The following UNC5A variants were observed in gnomAD, a reference collection of about 807,000 sequenced individuals.
UNC5A encodes netrin receptor UNC5A.
Under a neutral mutation model 87.4 loss-of-function variants are expected in UNC5A, and 20 were observed. That is an observed-to-expected ratio of 0.23 (90% CI 0.16 to 0.33). The LOEUF (loss-of-function observed/expected upper bound fraction) is 0.33. Ranked by LOEUF, UNC5A falls within the 10% of genes least tolerant of loss-of-function variation. UNC5A has a pLI of 1.00. For missense variants in UNC5A, 844 were observed against 1,133.4 expected (o/e 0.74, Z 3.67); for synonymous variants, 438 against 482.3 (o/e 0.91, Z 1.20).
chr5:176,810,926 C>T lies in UNC5A; in HGVS notation c.70+106C>T, dbSNP rs899985233. ...CAGCGCTGCCAGACCCGGCTGGGAGCCCCCCGAGGCCAAACTTTGCGAGGC... is the reference window on the plus strand; with the variant it reads ...CAGCGCTGCCAGACCCGGCTGGGAGTCCCCCGAGGCCAAACTTTGCGAGGC... On this transcript the variant is annotated intron_variant, in intron 1 of 14. Coordinates refer to ENST00000329542, the MANE Select transcript of UNC5A (RefSeq NM_133369.3). The surrounding 1 kb of genome is among the most constrained non-coding windows in gnomAD (Gnocchi z 7.3). 8 of 1,009,002 alleles carry T rather than the reference C, an allele frequency of 7.9e-6. No individual in the cohort carries two copies. Among genetic ancestry groups the T allele is most frequent in the African/African-American group, 1.7e-5 (1 of 58,256 alleles). 62.5% of individuals were successfully genotyped at this position (1,009,002 alleles called of 1,614,324 possible).
At chr5:176,850,791 C>A (rs1757522794) in intron 1 of UNC5A, among the ~76,000 whole-genome samples, 1 of 152,166 alleles carries the variant, frequency 6.6e-6, no homozygotes, top group Non-Finnish European at 1.5e-5. Flanking sequence ...GGCTCATCTG[C>A]TGAGAATGGG....
chr5:176,865,791 G>A lies in UNC5A; in HGVS notation c.293-2339G>A, dbSNP rs527599179. The A allele has an allele frequency of 7.8e-4, 319 of 408,464 alleles. No homozygotes were observed. Among genetic ancestry groups the A allele is most frequent in the Admixed American group, 8.1e-4 (29 of 35,670 alleles). 25.3% of individuals were successfully genotyped at this position (408,464 alleles called of 1,614,324 possible). A position where few individuals can be genotyped will look rare whatever the true frequency, so the allele number is the denominator to read the frequency against. ...TTCATGTGTGGGGCTGGAGGTGGCCGGATGGACACCCAGGAGAGCACCTAC... is the reference window on the plus strand; with the variant it reads ...TTCATGTGTGGGGCTGGAGGTGGCCAGATGGACACCCAGGAGAGCACCTAC... On this transcript the variant is annotated intron_variant, in intron 2 of 14. Coordinates refer to ENST00000329542, the MANE Select transcript of UNC5A (RefSeq NM_133369.3). This position sits in a 1 kb window ranked among gnomAD's most constrained non-coding sequence, Gnocchi z 5.3.
rs1237117192 is a variant in UNC5A, at chr5:176,831,442, C to T, written c.70+20622C>T. On this transcript the variant is annotated intron_variant, in intron 1 of 14. Coordinates refer to ENST00000329542, the MANE Select transcript of UNC5A (RefSeq NM_133369.3). ...ACAGCGGGGATACTGGCCTTCTCTG[C>T]GCAGGAATGCTCAAGGCCAGCACGC... Among the ~76,000 whole-genome samples the T allele has an allele frequency of 2.6e-5, 4 of 152,202 alleles. No homozygotes were observed. In the East Asian group the frequency reaches 5.8e-4, roughly 22 times the overall value.
chr5:176,835,510 A>G (rs1561647013), intron 1 of UNC5A, among the ~76,000 whole-genome samples: 2 of 152,186 alleles, frequency 1.3e-5, no homozygotes, highest in Non-Finnish European at 1.5e-5. Context: ...CCTCCGACTC[A>G]TCGCTCCCTG....
intron 8 of UNC5A, among the ~76,000 whole-genome samples, chr5:176,876,156 TTGA>T (rs1758257615): frequency 6.6e-6 from 1 of 151,968 alleles, no homozygotes; most frequent in Non-Finnish European, 1.5e-5. Flanking sequence ...GCATTAGGAG[TTGA>T]TGAATGAGGA....
At chr5:176,853,214 A>G (rs1757587422) in intron 1 of UNC5A, among the ~76,000 whole-genome samples, 2 of 152,192 alleles carry the variant, frequency 1.3e-5, no homozygotes, top group South Asian at 2.1e-4. Context: ...CCATTTGGCT[A>G]AAGTCCTTGG....
intron 1 of UNC5A, among the ~76,000 whole-genome samples, chr5:176,831,769 A>C (rs1757030303): frequency 2.1e-5 from 3 of 145,152 alleles, no homozygotes; most frequent in African/African-American, 5.3e-5. Flanking sequence ...CTCTCAACCC[A>C]CCCATCCCCA....
intron 2 of UNC5A, among the ~76,000 whole-genome samples, chr5:176,864,626 C>A (rs1310536237): frequency 6.6e-6 from 1 of 152,220 alleles, no homozygotes; most frequent in South Asian, 2.1e-4. Flanking sequence ...AGTCACACAC[C>A]ACCCCTCCGT....
At chr5:176,818,025 CCCGGGAGCGGGCGTCCAGCCT>C (rs1050425843) in intron 1 of UNC5A, among the ~76,000 whole-genome samples, 2 of 152,144 alleles carry the variant, frequency 1.3e-5, no homozygotes, top group African/African-American at 4.8e-5. Context: ...CGGCTGCCGC[CCCGGGAGCGGGCGTCCAGCCT>C]CCGGGCACCG....
At chr5:176,827,884 G>A (rs915648410) in intron 1 of UNC5A, among the ~76,000 whole-genome samples, 8 of 152,164 alleles carry the variant, frequency 5.3e-5, no homozygotes, top group African/African-American at 1.2e-4. Flanking sequence ...GAATCTGTGC[G>A]TGGCCACCAG....
intron 1 of UNC5A, among the ~76,000 whole-genome samples, chr5:176,854,755 G>A (rs1465046157): frequency 6.6e-6 from 1 of 152,254 alleles, no homozygotes; most frequent in East Asian, 1.9e-4. Flanking sequence ...CTCTCTGGCT[G>A]TATGTCAGGT....
At chr5:176,815,272 C>T (rs888489005) in intron 1 of UNC5A, among the ~76,000 whole-genome samples, 6 of 152,238 alleles carry the variant, frequency 3.9e-5, no homozygotes, top group East Asian at 1.9e-4. Context: ...GGCCCAACCA[C>T]GCTCAGACAG....
At chr5:176,868,695 C>G in intron 4 of UNC5A, 31 bp downstream of exon 4, 1 of 1,592,004 alleles carries the variant, frequency 6.3e-7, no homozygotes, top group East Asian at 2.3e-5. Context: ...CACGTCTGGA[C>G]CTGGGCTCCT....
intron 1 of UNC5A, among the ~76,000 whole-genome samples, chr5:176,818,150 G>A (rs1756640885): frequency 6.6e-6 from 1 of 152,224 alleles, no homozygotes; most frequent in Non-Finnish European, 1.5e-5. Flanking sequence ...AAGTGGGTGG[G>A]CGCAGGGCTT....
chr5:176,877,912 G>A lies in UNC5A; in HGVS notation c.1654G>A (p.Glu552Lys), dbSNP rs149355192. Residue 552 changes from glutamate to lysine, a missense_variant, in exon 11 of 15, where the codon GAG becomes AAG. Around this residue, in one of 3 missense-constraint regions of UNC5A, gnomAD observed 353 missense variants for 387.5 expected, o/e 0.91. Transcript: ENST00000329542. ...CCCACAGGATGTGCTGCACCTGGGC[G>A]AGGAGGCGCCCTCCCACCTCTACTA... Reference protein sequence around the residue: ...GSWEDVLHLGEEAPSHLYYCQ... With the variant: ...GSWEDVLHLGKEAPSHLYYCQ... 6.9e-6 allele frequency: 11 copies of A among 1,601,914 alleles called. No individual in the cohort carries two copies. The highest frequency in any genetic ancestry group is 1.3e-5 in the African/African-American group (1 of 74,896).
rs752216836 is a variant in UNC5A at position 176,870,505 on chromosome 5, G to T, written c.857G>T (p.Arg286Leu). ...EECQGTDLDT[R>L]NCTSDLCVHT... ...TGCCAGGGCACTGACCTGGACACCC[G>T]CAACTGTACCAGTGACCTCTGTGTA... Residue 286 changes from arginine to leucine, a missense_variant, in exon 6 of 15, where the codon CGC (arginine) becomes CTC (leucine). Transcript: ENST00000329542. The T allele has an allele frequency of 9.3e-6, 15 of 1,606,314 alleles. No homozygotes were observed. The highest frequency in any genetic ancestry group is 1.1e-5 in the Non-Finnish European group (13 of 1,175,110).
intron 1 of UNC5A, among the ~76,000 whole-genome samples, chr5:176,842,012 A>G (rs568804383): frequency 1.4e-3 from 212 of 152,308 alleles, no homozygotes; most frequent in African/African-American, 4.9e-3. Flanking sequence ...CCTGGCTAAC[A>G]TGGTGAAACC....
At chr5:176,827,112 C>T (rs1276346125) in intron 1 of UNC5A, among the ~76,000 whole-genome samples, 4 of 151,200 alleles carry the variant, frequency 2.6e-5, no homozygotes, top group Middle Eastern at 3.5e-3. Context: ...TGGCCTCTTT[C>T]GCTTAGCATA....
At chr5:176,860,912 C>A (rs985140285) in intron 1 of UNC5A, among the ~76,000 whole-genome samples, 23 of 152,140 alleles carry the variant, frequency 1.5e-4, no homozygotes, top group African/African-American at 5.1e-4. Flanking sequence ...GGGCAGGAGG[C>A]AGGCAGGGAG....
Sources: gnomAD v4.1 joint callset for allele counts (sites outside exome capture counted in the v4.1 genomes callset) on GRCh38, gnomAD v4.1.1 for gene constraint, gnomAD v4.1.1 regional missense constraint, Gnocchi (gnomAD v3.1) non-coding constraint, MANE v1.5 for transcripts, NCBI Gene and HGNC (gene_info 2026-07-23, HGNC 2026-07-21) for gene names.